The following IFRD1 variants were observed in gnomAD, a reference collection of about 807,000 sequenced individuals.
The protein encoded by IFRD1 is interferon related developmental regulator 1.
In IFRD1, 35 loss-of-function variants were observed where a neutral mutation model predicts 52.9. The ratio of observed to expected loss-of-function variants is 0.66; its 90% CI spans 0.51 to 0.88. The LOEUF (loss-of-function observed/expected upper bound fraction) is 0.88, where lower values mean the gene tolerates loss of function less well. IFRD1 is among the 40% of genes least tolerant of loss of function. The probability of loss-of-function intolerance (pLI) is 0.00; values close to 1 mark genes in which losing one functional copy is unlikely to be tolerated. For missense variants in IFRD1, 517 were observed against 550.8 expected, an observed-to-expected ratio of 0.94 and a Z score of 0.61; for synonymous variants, 184 against 188.4, an observed-to-expected ratio of 0.98 and a Z score of 0.19.
At chr7:112,448,050 A>G (rs1795067820), upstream of IFRD1, among the ~76,000 whole-genome samples, 1 of 150,588 alleles carries the variant, frequency 6.6e-6, no homozygotes, top group Non-Finnish European at 1.5e-5. Flanking sequence ...CTATAATTTC[A>G]ATTTCAAATG....
At chr7:112,468,914 A>G (rs1795681067) in intron 9 of IFRD1, among the ~76,000 whole-genome samples, 1 of 152,220 alleles carries the variant, frequency 6.6e-6, no homozygotes, top group African/African-American at 2.4e-5. Context: ...GTAATCCTCA[A>G]ACCTGTTTCA....
At chr7:112,462,507 C>T (rs1795466999) in intron 8 of IFRD1, 129 bp downstream of exon 8, 2 of 728,506 alleles carry the variant, frequency 2.7e-6, no homozygotes, top group Non-Finnish European at 2.5e-6. Flanking sequence ...ATTTATTTCC[C>T]TACTTCTTGG....
At chr7:112,438,934 G>A (rs149831644) in intron 1 of IFRD1, among the ~76,000 whole-genome samples, 121 of 152,168 alleles carry the variant, frequency 8.0e-4, no homozygotes, top group Middle Eastern at 3.4e-3. Flanking sequence ...GATTCCTCCC[G>A]TTGAAAGATG....
chr7:112,471,219 C>G (rs1362311010), intron 9 of IFRD1, among the ~76,000 whole-genome samples: 1 of 152,142 alleles, frequency 6.6e-6, no homozygotes, highest in Non-Finnish European at 1.5e-5. Context: ...CTCTTTTACA[C>G]CTCTAATAAC....
At chr7:112,440,177 G>T (rs973310273) in intron 1 of IFRD1, among the ~76,000 whole-genome samples, 1 of 152,096 alleles carries the variant, frequency 6.6e-6, no homozygotes, top group African/African-American at 2.4e-5. Flanking sequence ...TAGAGATGGG[G>T]TTTCCCAATG....
rs1047405243 is a variant in IFRD1, at chr7:112,476,833, T to C, written c.*1314T>C. ...TTGATACTCTTGCTGTAGGTCGCCG[T>C]GAGGGGTAGGGAAGCATATATACTG... On this transcript the variant is annotated 3_prime_UTR_variant, in exon 12 of 12. Transcript: ENST00000403825. The C allele has an allele frequency of 6.6e-6, 1 of 152,212 alleles. No homozygotes were observed. Among genetic ancestry groups the C allele is most frequent in the Non-Finnish European group, 1.5e-5 (1 of 68,040 alleles). The allele number at this position is 152,212 out of a possible 1,614,324, so 9.4% of individuals were successfully genotyped here.
At position 112,462,361 on chromosome 7, in the gene IFRD1, G is replaced by A. The variant is rs756651871; in HGVS notation, c.889G>A (p.Ala297Thr). ...GESLALLFEL[A>T]RGIESDFFYE... is the part of the protein sequence containing the mutation. ...ATCTTTGGCACTTCTCTTTGAATTG[G>A]CCAGAGGAATAGAGAGTGTAAGTAT... The change falls in exon 8 of 12, where the codon GCC becomes ACC. Residue 297 changes from alanine to threonine, a missense_variant. Transcript: ENST00000403825. The A allele has an allele frequency of 2.5e-6, 4 of 1,610,706 alleles. No homozygotes were observed. The South Asian group carries it at 3.3e-5, about 13-fold the overall frequency.
intron 5 of IFRD1, chr7:112,461,662 A>T (rs1419042827): frequency 2.9e-6 from 1 of 347,598 alleles, no homozygotes; most frequent in Non-Finnish European, 5.1e-6. Flanking sequence ...CTGTGAATTT[A>T]GTAGCAGAGC....
At chr7:112,475,278 C>T in intron 11 of IFRD1, 152 bp from the exon 12 acceptor site, 1 of 618,274 alleles carries the variant, frequency 1.6e-6, no homozygotes, top group Admixed American at 2.9e-5. Context: ...CTTTGTTTTT[C>T]TCCTTCATTC....
chr7:112,452,633 A>C (rs16873392), intron 1 of IFRD1: 4,858 of 171,768 alleles, frequency 0.028, 257 homozygotes, highest in African/African-American at 0.11. Context: ...ATCCCGTCTA[A>C]AGTTTCTGGG....
At position 112,462,485 on chromosome 7, in the gene IFRD1, G is replaced by A. The variant is rs1010780538; in HGVS notation, c.906+107G>A. The A allele has an allele frequency of 5.8e-5, 45 of 774,024 alleles. 1 individual carries two copies. In the Middle Eastern group the frequency reaches 1.8e-3, roughly 32 times the overall value. The allele number at this position is 774,024 out of a possible 1,614,324, so 47.9% of individuals were successfully genotyped here. A position where few individuals can be genotyped will look rare whatever the true frequency, so the allele number is the denominator to read the frequency against. ...AATAACTTTGGAACATGGCCAGCTT[G>A]AGAACCCAGTGATTTATTTCCCTAC... is the stretch of plus-strand genomic sequence containing the variant. On this transcript the variant is annotated intron_variant, in intron 8 of 11. Coordinates refer to ENST00000403825, the MANE Select transcript of IFRD1 (RefSeq NM_001550.4).
intron 3 of IFRD1, among the ~76,000 whole-genome samples, 154 bp from the exon 4 acceptor site, chr7:112,456,755 GAAATT>G (rs200368235): frequency 0.033 from 5,066 of 152,228 alleles, 203 homozygotes; most frequent in South Asian, 0.14. Flanking sequence ...GTCATAGATG[GAAATT>G]AAATTATATT....
intron 1 of IFRD1, among the ~76,000 whole-genome samples, chr7:112,429,211 A>G (rs1045312574): frequency 2.0e-5 from 3 of 152,168 alleles, no homozygotes; most frequent in African/African-American, 7.2e-5. Flanking sequence ...ACTTTAAAAC[A>G]CTTGCCTAAT....
In IFRD1 at chr7:112,457,020, G is replaced by C. The variant is rs548522773; in HGVS notation, c.391G>C (p.Glu131Gln). 1.9e-5 allele frequency: 31 copies of C among 1,613,850 alleles called. No individual in the cohort carries two copies. The South Asian group carries it at 3.4e-4, about 18-fold the overall frequency. Residue 131 changes from glutamate (E) to glutamine (Q), a missense_variant, in exon 4 of 12, where the codon GAA (glutamate) becomes CAA (glutamine). Coordinates refer to ENST00000403825, the MANE Select transcript of IFRD1 (RefSeq NM_001550.4). ...GAGAATGACTTTAACTGATAGCATT[G>C]AACGCTGCCTGAAAAAAGGTAATGC... ...ERRMTLTDSI[E>Q]RCLKKGKSDE...
intron 1 of IFRD1, among the ~76,000 whole-genome samples, chr7:112,433,873 TG>T (rs1225101008): frequency 6.6e-6 from 1 of 152,186 alleles, no homozygotes; most frequent in Non-Finnish European, 1.5e-5. Context: ...CAGGCTGGAG[TG>T]CAGTGGCGTG....
At chr7:112,427,291 T>C (rs1476756438) in intron 1 of IFRD1, among the ~76,000 whole-genome samples, 2 of 152,198 alleles carry the variant, frequency 1.3e-5, no homozygotes, top group African/African-American at 4.8e-5. Context: ...CACAATCCTG[T>C]TGCATTGGGG....
intron 11 of IFRD1, among the ~76,000 whole-genome samples, chr7:112,473,473 G>A (rs1795816187): frequency 6.7e-6 from 1 of 149,574 alleles, no homozygotes; most frequent in Non-Finnish European, 1.5e-5. Context: ...CACTCAGACT[G>A]GAGTGCAGTG....
At chr7:112,434,673 T>C (rs962623065) in intron 1 of IFRD1, among the ~76,000 whole-genome samples, 1 of 152,200 alleles carries the variant, frequency 6.6e-6, no homozygotes, top group African/African-American at 2.4e-5. Flanking sequence ...AATTATAATA[T>C]GGGATAAAAT....
chr7:112,430,797 T>A (rs1205810703), intron 1 of IFRD1, among the ~76,000 whole-genome samples: 1 of 152,194 alleles, frequency 6.6e-6, no homozygotes, highest in Non-Finnish European at 1.5e-5. Context: ...GATCACCTAC[T>A]GCAGTTTGCT....
Sources: gnomAD v4.1 joint callset for allele counts (sites outside exome capture counted in the v4.1 genomes callset) on GRCh38, gnomAD v4.1.1 for gene constraint, MANE v1.5 for transcripts, NCBI Gene and HGNC (gene_info 2026-07-23, HGNC 2026-07-21) for gene names.